Variants in GRAMD1C observed in about 807,000 individuals in gnomAD.
GRAMD1C encodes the protein protein Aster-C.
A neutral mutation model predicts 97.8 loss-of-function variants in GRAMD1C; 89 were observed. The observed-to-expected ratio is 0.91, with a 90% CI of 0.77 to 1.09. The LOEUF is 1.09. Among genes scored for constraint, GRAMD1C ranks in the 50% least tolerant of loss-of-function variants. The probability of loss-of-function intolerance (pLI) is 0.00; values close to 1 mark genes in which losing one functional copy is unlikely to be tolerated. For synonymous variants in GRAMD1C, 256 were observed against 267.0 expected (o/e 0.96, Z 0.40); for missense variants, 740 against 766.4 (o/e 0.97, Z 0.41).
intron 12 of GRAMD1C, 50 bp downstream of exon 12, chr3:113,933,703 T>C (rs764443197): frequency 1.5e-6 from 2 of 1,301,114 alleles, no homozygotes; most frequent in Non-Finnish European, 2.2e-6. Context: ...TATGTCCTGG[T>C]AATTTATTCA....
intron 2 of GRAMD1C, among the ~76,000 whole-genome samples, chr3:113,858,160 C>T (rs779394117): frequency 1.1e-4 from 17 of 151,980 alleles, no homozygotes; most frequent in Non-Finnish European, 1.6e-4. Context: ...ACTTAATTTC[C>T]TTAATTTGTA....
intron 6 of GRAMD1C, among the ~76,000 whole-genome samples, chr3:113,899,569 T>G (rs1488994264): frequency 6.6e-6 from 1 of 152,232 alleles, no homozygotes; most frequent in Non-Finnish European, 1.5e-5. Flanking sequence ...TAAATAAATA[T>G]CTGTTGAATG....
chr3:113,930,860 G>T (rs781409952), intron 11 of GRAMD1C, 28 bp downstream of exon 11: 2 of 1,173,808 alleles, frequency 1.7e-6, no homozygotes, highest in Admixed American at 3.4e-5. Flanking sequence ...GTGTCCAGAA[G>T]AGTCATGTGT....
chr3:113,859,057 T>G (rs1335126498), intron 2 of GRAMD1C, among the ~76,000 whole-genome samples: 3 of 152,172 alleles, frequency 2.0e-5, no homozygotes, highest in Non-Finnish European at 4.4e-5. Flanking sequence ...TATTCTCCAT[T>G]ATTTTTGTTT....
chr3:113,865,931 G>A (rs998830986), intron 2 of GRAMD1C, among the ~76,000 whole-genome samples: 1 of 152,028 alleles, frequency 6.6e-6, no homozygotes, highest in Non-Finnish European at 1.5e-5. Flanking sequence ...TTTATTCTGT[G>A]TTCATAGAGA....
chr3:113,885,273 GGCCGGCGGT>G lies in GRAMD1C; in HGVS notation c.540+2447_540+2455del, dbSNP rs892886675. ...GGAGCTGGGCCGTGGGGGCCTCCGG[GGCCGGCGGT>G]GCCGGGGTCATCCGGATGGTGCGGA... On this transcript the variant is annotated intron_variant, in intron 6 of 17. Coordinates refer to ENST00000358160, the MANE Select transcript of GRAMD1C (RefSeq NM_017577.5). 305 of 1,380,746 alleles carry G rather than the reference GGCCGGCGGT, an allele frequency of 2.2e-4. 1 individual carries two copies. The highest frequency in any genetic ancestry group is 5.4e-4 in the South Asian group (45 of 83,066). 85.5% of individuals were successfully genotyped at this position (1,380,746 alleles called of 1,614,324 possible). A position where few individuals can be genotyped will look rare whatever the true frequency, so the allele number is the denominator to read the frequency against.
chr3:113,848,984 A>AAAACAAAC (rs59058998), intron 2 of GRAMD1C, among the ~76,000 whole-genome samples: 1 of 151,730 alleles, frequency 6.6e-6, no homozygotes. Flanking sequence ...AGCAAAATGT[A>AAAACAAAC]AAACAAACAA....
At chr3:113,866,500 C>A (rs1934592792) in intron 2 of GRAMD1C, among the ~76,000 whole-genome samples, 1 of 151,974 alleles carries the variant, frequency 6.6e-6, no homozygotes, top group Non-Finnish European at 1.5e-5. Flanking sequence ...TTGACAATTT[C>A]TGTGTTTATT....
intron 2 of GRAMD1C, among the ~76,000 whole-genome samples, chr3:113,865,752 C>T (rs1283790135): frequency 6.6e-6 from 1 of 152,068 alleles, no homozygotes. Flanking sequence ...ATCCTTTCTT[C>T]TCTATTTTCC....
intron 2 of GRAMD1C, among the ~76,000 whole-genome samples, chr3:113,848,641 A>G (rs1933720734): frequency 6.6e-6 from 1 of 152,070 alleles, no homozygotes; most frequent in Non-Finnish European, 1.5e-5. Context: ...CCCCATCTCA[A>G]CAAAACAAAA....
At chr3:113,943,948 T>G (rs891532265) in intron 17 of GRAMD1C, among the ~76,000 whole-genome samples, 1 of 152,076 alleles carries the variant, frequency 6.6e-6, no homozygotes, top group Non-Finnish European at 1.5e-5. Context: ...TAAAAATATC[T>G]CCTCTGCCTG....
intron 6 of GRAMD1C, among the ~76,000 whole-genome samples, chr3:113,892,665 G>A (rs1935782237): frequency 6.6e-6 from 1 of 152,152 alleles, no homozygotes; most frequent in Non-Finnish European, 1.5e-5. Context: ...CAGTCTGTGA[G>A]TTTAGCTCCC....
chr3:113,830,579 G>A (rs1313685939), intron 1 of GRAMD1C, among the ~76,000 whole-genome samples: 1 of 152,198 alleles, frequency 6.6e-6, no homozygotes, highest in African/African-American at 2.4e-5. Context: ...AACCTGGACA[G>A]CATGTTACCA....
At chr3:113,908,903 C>G in intron 8 of GRAMD1C, 55 bp from the exon 9 acceptor site, 1 of 1,067,138 alleles carries the variant, frequency 9.4e-7, no homozygotes, top group South Asian at 1.6e-5. Flanking sequence ...GTTCTCACTG[C>G]AAAATCTAAG....
In GRAMD1C at chr3:113,852,632, A is replaced by C. The variant is rs544144313; in HGVS notation, c.174+7983A>C. Reference sequence around the variant, plus strand: ...AAGGGGTTAAAAAAAAAGAAAAAAGAGGGAACTGATTACCAGAGTTGTAAG... The same window carrying C: ...AAGGGGTTAAAAAAAAAGAAAAAAGCGGGAACTGATTACCAGAGTTGTAAG... On this transcript the variant is annotated intron_variant, in intron 2 of 17. Coordinates refer to ENST00000358160, the MANE Select transcript of GRAMD1C (RefSeq NM_017577.5). Among the ~76,000 whole-genome samples the C allele has an allele frequency of 2.6e-5, 4 of 152,292 alleles. No individual in the cohort carries two copies. In the South Asian group the frequency reaches 8.3e-4, roughly 32 times the overall value.
At chr3:113,853,298 A>T (rs116997638) in intron 2 of GRAMD1C, among the ~76,000 whole-genome samples, 1 of 152,242 alleles carries the variant, frequency 6.6e-6, no homozygotes, top group Admixed American at 6.5e-5. Context: ...AAATTCCTCA[A>T]ATTATATCAC....
chr3:113,878,187 C>A (rs923914985), intron 5 of GRAMD1C, among the ~76,000 whole-genome samples: 1 of 152,188 alleles, frequency 6.6e-6, no homozygotes, highest in Admixed American at 6.5e-5. Flanking sequence ...TTACCTTATT[C>A]AATGAATTAT....
intron 6 of GRAMD1C, chr3:113,885,891 G>A: frequency 1.2e-6 from 2 of 1,612,750 alleles, no homozygotes; most frequent in Non-Finnish European, 1.7e-6. Flanking sequence ...TCCAGACAAT[G>A]CCATCCCCAT....
chr3:113,845,883 A>T (rs761146457), intron 2 of GRAMD1C, among the ~76,000 whole-genome samples: 1 of 149,620 alleles, frequency 6.7e-6, no homozygotes, highest in Non-Finnish European at 1.5e-5. Context: ...TGGAATCTTA[A>T]CAGTTATTGA....
Sources: allele counts gnomAD v4.1 joint callset (sites outside exome capture counted in the v4.1 genomes callset), GRCh38; gene constraint gnomAD v4.1.1; transcripts MANE v1.5; gene names NCBI Gene and HGNC (gene_info 2026-07-23, HGNC 2026-07-21).